The following APBB2 variants were observed in gnomAD, a reference collection of about 807,000 sequenced individuals.
APBB2 encodes Fe65-like 1.
Under a neutral mutation model 82.5 loss-of-function variants are expected in APBB2, and 38 were observed. That is an observed-to-expected ratio of 0.46 (90% CI 0.36 to 0.60). The LOEUF (loss-of-function observed/expected upper bound fraction) is 0.60. Among genes scored for constraint, APBB2 ranks in the 20% least tolerant of loss-of-function variants. APBB2 has a pLI of 0.00. For missense variants in APBB2, 772 were observed against 972.3 expected (o/e 0.79, Z 2.74); for synonymous variants, 341 against 368.2 (o/e 0.93, Z 0.85).
intron 4 of APBB2, among the ~76,000 whole-genome samples, chr4:41,037,734 C>T (rs1310335553): frequency 6.6e-6 from 1 of 152,022 alleles, no homozygotes; most frequent in African/African-American, 2.4e-5. Context: ...AAAACTTTAC[C>T]CTAGGCTGGG....
At chr4:40,909,183 C>T (rs1208602900) in intron 10 of APBB2, among the ~76,000 whole-genome samples, 5 of 152,220 alleles carry the variant, frequency 3.3e-5, no homozygotes, top group Admixed American at 2.6e-4. Context: ...GCAATGCCTG[C>T]CCCACAGCGA....
intron 1 of APBB2, among the ~76,000 whole-genome samples, chr4:41,154,068 T>C (rs1390972071): frequency 6.6e-6 from 1 of 152,210 alleles, no homozygotes; most frequent in Non-Finnish European, 1.5e-5. Flanking sequence ...TCACCACCCT[T>C]GATACATTTA....
chr4:41,036,531 G>A (rs548315325), intron 4 of APBB2, among the ~76,000 whole-genome samples: 178 of 152,256 alleles, frequency 1.2e-3, no homozygotes, highest in Middle Eastern at 6.8e-3. Context: ...CACATTTACC[G>A]TCTTGTGGAA....
Position 40,982,412 on chromosome 4 carries a change from A to AG in APBB2, c.835+31170dup, listed in dbSNP as rs60007840. ...GAAGGAAAGGAAAGGAAAGAAAGAA[A>AG]GAAAGAAAGAAAGAAAGAAAGAAAG... On this transcript the variant is annotated intron_variant, in intron 6 of 17. Transcript: ENST00000508593. 7.9e-3 allele frequency among the ~76,000 whole-genome samples: 803 copies of AG among 102,070 alleles called. 73 individuals are homozygous for AG. The highest frequency in any genetic ancestry group is 0.029 in the African/African-American group (745 of 25,278). The allele number at this position is 102,070 out of a possible 152,430, so 67.0% of individuals were successfully genotyped here.
At chr4:41,041,186 G>A (rs138962546) in intron 4 of APBB2, among the ~76,000 whole-genome samples, 236 of 152,188 alleles carry the variant, frequency 1.6e-3, no homozygotes, top group African/African-American at 5.5e-3. Flanking sequence ...GGCTACATGT[G>A]TGAAATTTTA....
intron 10 of APBB2, among the ~76,000 whole-genome samples, chr4:40,916,130 T>C (rs1779776573): frequency 1.3e-5 from 2 of 152,130 alleles, no homozygotes; most frequent in Non-Finnish European, 2.9e-5. Flanking sequence ...TTTTAGGTAG[T>C]TGTTCTAAAG....
chr4:40,919,807 G>A (rs904302682), intron 10 of APBB2, among the ~76,000 whole-genome samples: 4 of 152,164 alleles, frequency 2.6e-5, no homozygotes, highest in South Asian at 2.1e-4. Context: ...TTTCATCTTC[G>A]CAGCAACACT....
rs764629611 is a variant in APBB2 at position 41,079,271 on chromosome 4, C to T, written c.-148-13598G>A. Among the ~76,000 whole-genome samples the T allele has an allele frequency of 2.0e-5, 3 of 152,166 alleles. No homozygotes were observed. The East Asian group carries it at 5.8e-4, about 29-fold the overall frequency. On this transcript the variant is annotated intron_variant, in intron 3 of 17. Transcript: ENST00000508593. The stretch of plus-strand genomic sequence containing the variant: ...AACTTGGGTAAATTCAGAATGTACC[C>T]AATATCTTCTCAATAAATTATTTCT...
intron 2 of APBB2, among the ~76,000 whole-genome samples, 182 bp downstream of exon 2, chr4:41,142,805 C>T (rs556331324): frequency 2.2e-4 from 34 of 152,256 alleles, no homozygotes; most frequent in African/African-American, 7.9e-4. Flanking sequence ...GAAAGGAAGA[C>T]ATCATTACAC....
chr4:40,926,540 C>T (rs2154370960), intron 10 of APBB2, among the ~76,000 whole-genome samples: 1 of 152,280 alleles, frequency 6.6e-6, no homozygotes, highest in African/African-American at 2.4e-5. Flanking sequence ...CTGCCTCCGC[C>T]TGCCAGGGTC....
Position 40,812,784 on chromosome 4 carries a change from C to T in APBB2, c.*3308G>A, listed in dbSNP as rs1744669774. On this transcript the variant is annotated 3_prime_UTR_variant, in exon 18 of 18. Transcript: ENST00000508593. Reference sequence around the variant, plus strand: ...AAGAAGTAGCAGTGCCACAGTTTATCACCAAGAACTTATTTTAATGGAAAT... The same window carrying T: ...AAGAAGTAGCAGTGCCACAGTTTATTACCAAGAACTTATTTTAATGGAAAT... 6.6e-6 allele frequency: 1 copy of T among 152,202 alleles called. No homozygotes were observed. The highest frequency in any genetic ancestry group is 2.4e-5 in the African/African-American group (1 of 41,448). 9.4% of individuals were successfully genotyped at this position (152,202 alleles called of 1,614,324 possible).
intron 2 of APBB2, among the ~76,000 whole-genome samples, chr4:41,102,704 G>A (rs1160357292): frequency 2.6e-5 from 4 of 152,112 alleles, no homozygotes; most frequent in Admixed American, 6.5e-5. Flanking sequence ...CTGATTTCAG[G>A]TAATCCGTCT....
chr4:41,184,307 C>A (rs1049663784), intron 1 of APBB2, among the ~76,000 whole-genome samples: 2 of 152,070 alleles, frequency 1.3e-5, no homozygotes, highest in African/African-American at 4.8e-5. Flanking sequence ...GTTAAGCCAC[C>A]CAGTTTATAG....
intron 6 of APBB2, among the ~76,000 whole-genome samples, chr4:40,997,958 A>G (rs917772557): frequency 2.0e-5 from 3 of 152,230 alleles, no homozygotes; most frequent in Non-Finnish European, 2.9e-5. Flanking sequence ...AAGTTGAACT[A>G]GCTGCTTCTC....
chr4:41,096,834 T>G (rs1743633232), intron 3 of APBB2, among the ~76,000 whole-genome samples: 1 of 152,236 alleles, frequency 6.6e-6, no homozygotes, highest in South Asian at 2.1e-4. Flanking sequence ...ACATGCTACA[T>G]AAAGGTTATT....
At chr4:40,932,964 A>G (rs190735373) in intron 10 of APBB2, among the ~76,000 whole-genome samples, 1 of 152,092 alleles carries the variant, frequency 6.6e-6, no homozygotes, top group African/African-American at 2.4e-5. Flanking sequence ...CCTGGGTTCA[A>G]GTGATTCTCC....
intron 5 of APBB2, among the ~76,000 whole-genome samples, chr4:41,023,382 T>A (rs898408437): frequency 2.0e-5 from 3 of 152,302 alleles, no homozygotes; most frequent in Non-Finnish European, 2.9e-5. Flanking sequence ...TCATTTTTTT[T>A]AAATAACAGC....
intron 10 of APBB2, among the ~76,000 whole-genome samples, chr4:40,914,146 G>A (rs1024447350): frequency 4.6e-5 from 7 of 152,158 alleles, no homozygotes; most frequent in East Asian, 1.9e-4. Context: ...TGAGGTGGGC[G>A]TATCACGAGG....
chr4:41,202,854 G>C lies in APBB2; in HGVS notation c.-417+11551C>G, dbSNP rs555710541. Among the ~76,000 whole-genome samples, 9 of 152,316 alleles carry C rather than the reference G, an allele frequency of 5.9e-5. No homozygotes were observed. In the South Asian group the frequency reaches 1.9e-3, roughly 32 times the overall value. On this transcript the variant is annotated intron_variant, in intron 1 of 17. Coordinates refer to ENST00000508593, the MANE Select transcript of APBB2 (RefSeq NM_004307.2). ...AGACAGCACTGTATTGTTAATAACTGGGGCTGCAGAATGTAGGCAAACGTT... is the reference window on the plus strand; with the variant it reads ...AGACAGCACTGTATTGTTAATAACTCGGGCTGCAGAATGTAGGCAAACGTT...
Sources: gnomAD v4.1 joint callset for allele counts (sites outside exome capture counted in the v4.1 genomes callset) on GRCh38, gnomAD v4.1.1 for gene constraint, MANE v1.5 for transcripts, NCBI Gene and HGNC (gene_info 2026-07-23, HGNC 2026-07-21) for gene names.